Variants in SNX25 observed in about 807,000 individuals in gnomAD.
SNX25 encodes sorting nexin-25.
SNX25 carries 62 observed loss-of-function variants against 113.7 expected under a neutral mutation model. The observed-to-expected ratio is 0.55, with a 90% CI of 0.44 to 0.67. SNX25 has a LOEUF of 0.67. SNX25 is among the 30% of genes least tolerant of loss of function. The pLI is 0.00. For missense variants in SNX25, 1,014 were observed against 1,161.0 expected, an observed-to-expected ratio of 0.87 and a Z score of 1.84; for synonymous variants, 421 against 436.2, an observed-to-expected ratio of 0.97 and a Z score of 0.43.
chr4:185,344,175 C>CAT (rs2095273529), intron 12 of SNX25, among the ~76,000 whole-genome samples: 1 of 152,084 alleles, frequency 6.6e-6, no homozygotes, highest in Admixed American at 6.6e-5. Context: ...GAGTCAGGAT[C>CAT]ATATCACTCC....
chr4:185,212,215 T>G (rs1737930843), intron 1 of SNX25, among the ~76,000 whole-genome samples: 1 of 152,000 alleles, frequency 6.6e-6, no homozygotes, highest in Non-Finnish European at 1.5e-5. Context: ...TGAGCTCAAA[T>G]GATCCGCCCT....
rs186722079 is a variant in SNX25 at position 185,264,515 on chromosome 4, C to A, written c.809C>A (p.Thr270Lys). Residue 270 changes from threonine (T) to lysine (K), a missense_variant, in exon 4 of 19, where the codon ACG (threonine) becomes AAG (lysine). Coordinates refer to ENST00000652585, the MANE Select transcript of SNX25 (RefSeq NM_001378034.2). ...GATGATGAAGTAAGATTTCTACAAA[C>A]GTGTTCTCGGGTTCTGGTGTTTTGT... ...NSDDEVRFLQTCSRVLVFCLL... is the reference protein window; with the variant it reads ...NSDDEVRFLQKCSRVLVFCLL... 1.2e-6 allele frequency: 2 copies of A among 1,613,934 alleles called. No individual in the cohort carries two copies. Among genetic ancestry groups the A allele is most frequent in the Non-Finnish European group, 1.7e-6 (2 of 1,179,950 alleles).
intron 7 of SNX25, among the ~76,000 whole-genome samples, chr4:185,311,053 A>C (rs1755173642): frequency 6.6e-6 from 1 of 151,812 alleles, no homozygotes; most frequent in Non-Finnish European, 1.5e-5. Context: ...GTGTGTGGAT[A>C]TTTTTCCATC....
At position 185,334,036 on chromosome 4, in the gene SNX25, C is replaced by CAA. The variant is rs34587614; in HGVS notation, c.1914+1294_1914+1295dup. On this transcript the variant is annotated intron_variant, in intron 10 of 18. Transcript: ENST00000652585. This position sits in a 1 kb window ranked among gnomAD's most constrained non-coding sequence, Gnocchi z 4.2. ...TGCACTCCAGACTGGGCAATAGTCT[C>CAA]AAAAAAAAAAAAAAAAAAGTGGCTA... Among the ~76,000 whole-genome samples the CAA allele has an allele frequency of 0.033, 3,419 of 104,320 alleles. 142 individuals are homozygous for CAA. Among genetic ancestry groups the CAA allele is most frequent in the African/African-American group, 0.11 (3,194 of 28,712 alleles). 68.4% of individuals were successfully genotyped at this position (104,320 alleles called of 152,430 possible). A position where few individuals can be genotyped will look rare whatever the true frequency, so the allele number is the denominator to read the frequency against.
intron 1 of SNX25, among the ~76,000 whole-genome samples, chr4:185,215,048 G>A (rs1399944333): frequency 1.3e-5 from 2 of 152,134 alleles, no homozygotes; most frequent in East Asian, 3.8e-4. Flanking sequence ...GGCTAACACA[G>A]TGAAACCCCG....
In SNX25 at chr4:185,320,763, A is replaced by G. The variant is rs998369692; in HGVS notation, c.1375A>G (p.Thr459Ala). The G allele has an allele frequency of 7.0e-6, 11 of 1,575,958 alleles. No homozygotes were observed. Among genetic ancestry groups the G allele is most frequent in the Non-Finnish European group, 8.6e-6 (10 of 1,164,620 alleles). ...TCAGTTTGAAGATATCTTGGCCAAT[A>G]CGTTCTACCGAGAGCACTTTGGAAT... ...ILQFEDILAN[T>A]FYREHFGMYM... Residue 459 changes from threonine (T) to alanine (A), a missense_variant, in exon 8 of 19, where the codon ACG (threonine) becomes GCG (alanine). By Grantham distance (58) the Thr-to-Ala change is moderately conservative. Transcript: ENST00000652585.
intron 13 of SNX25, 83 bp from the exon 14 acceptor site, chr4:185,351,362 C>A: frequency 6.9e-7 from 1 of 1,438,872 alleles, no homozygotes; most frequent in Non-Finnish European, 9.5e-7. Context: ...CGTGACAGCT[C>A]TGCCTCGCTC....
intron 6 of SNX25, among the ~76,000 whole-genome samples, chr4:185,292,278 A>C (rs939187907): frequency 6.6e-6 from 1 of 151,864 alleles, no homozygotes; most frequent in African/African-American, 2.4e-5. Flanking sequence ...GAGGGGAAAA[A>C]AGTAAATTGG....
intron 6 of SNX25, among the ~76,000 whole-genome samples, chr4:185,304,934 G>A (rs1296970470): frequency 6.6e-6 from 1 of 152,158 alleles, no homozygotes; most frequent in African/African-American, 2.4e-5. Context: ...GAAGACCTGA[G>A]CATCCTGGGC....
chr4:185,339,907 A>G (rs2095251165), intron 11 of SNX25, among the ~76,000 whole-genome samples: 1 of 152,264 alleles, frequency 6.6e-6, no homozygotes, highest in African/African-American at 2.4e-5. Flanking sequence ...CTTAAATTTC[A>G]GTATCTCTAA....
At chr4:185,342,663 A>G (rs185334526) in intron 12 of SNX25, among the ~76,000 whole-genome samples, 1 of 149,602 alleles carries the variant, frequency 6.7e-6, no homozygotes, top group African/African-American at 2.5e-5. Context: ...GGATTCTGTC[A>G]CATACACAAG....
intron 6 of SNX25, among the ~76,000 whole-genome samples, chr4:185,299,544 C>T (rs995578619): frequency 6.6e-6 from 1 of 152,154 alleles, no homozygotes; most frequent in Non-Finnish European, 1.5e-5. Context: ...CTTGTGCTGC[C>T]TGTCCAGGAA....
At chr4:185,304,377 A>T (rs912775125) in intron 6 of SNX25, among the ~76,000 whole-genome samples, 1 of 151,938 alleles carries the variant, frequency 6.6e-6, no homozygotes. Context: ...TGTTTTTTTG[A>T]GATGGAGTTT....
At chr4:185,264,692 A>G in intron 4 of SNX25, 82 bp downstream of exon 4, 3 of 1,394,674 alleles carry the variant, frequency 2.2e-6, no homozygotes, top group South Asian at 1.3e-5. Flanking sequence ...ACTGTTGAAC[A>G]TATGGGATTT....
At chr4:185,372,200 T>C (rs1452775061), downstream of SNX25, among the ~76,000 whole-genome samples, 8 of 152,202 alleles carry the variant, frequency 5.3e-5, no homozygotes. Context: ...GTAATAAATG[T>C]GTGACATGCC....
intron 1 of SNX25, among the ~76,000 whole-genome samples, chr4:185,241,361 G>T (rs543319419): frequency 0.015 from 2,208 of 151,334 alleles, 62 homozygotes; most frequent in African/African-American, 0.051. Context: ...GCCTGCAATC[G>T]CAGGCACTCG....
chr4:185,290,191 C>T (rs183167207), intron 6 of SNX25, among the ~76,000 whole-genome samples: 1 of 152,326 alleles, frequency 6.6e-6, no homozygotes, highest in East Asian at 1.9e-4. Context: ...AAGGCCACAT[C>T]CTAAGGTACT....
At chr4:185,298,964 A>G (rs1043417083) in intron 6 of SNX25, among the ~76,000 whole-genome samples, 4 of 152,142 alleles carry the variant, frequency 2.6e-5, no homozygotes, top group Admixed American at 1.3e-4. Flanking sequence ...CTTGAGTACC[A>G]TTGTGTATTA....
At chr4:185,357,785 C>T (rs777431768) in intron 16 of SNX25, 48 bp downstream of exon 16, 3 of 1,473,052 alleles carry the variant, frequency 2.0e-6, no homozygotes, top group African/African-American at 1.4e-5. Flanking sequence ...ACTCTTTTGC[C>T]TTGACAGTCA....
Sources: gnomAD v4.1 joint callset for allele counts (sites outside exome capture counted in the v4.1 genomes callset) on GRCh38, gnomAD v4.1.1 for gene constraint, Gnocchi (gnomAD v3.1) non-coding constraint, MANE v1.5 for transcripts, NCBI Gene and HGNC (gene_info 2026-07-23, HGNC 2026-07-21) for gene names.